The following CFH variants were observed in gnomAD, a reference collection of about 807,000 sequenced individuals.
CFH encodes complement factor H, also known as H factor 1 (complement).
A neutral mutation model predicts 147.3 loss-of-function variants in CFH; 53 were observed. The observed-to-expected ratio is 0.36, with a 90% CI of 0.29 to 0.45. CFH has a LOEUF of 0.45. Among genes scored for constraint, CFH ranks in the 20% least tolerant of loss-of-function variants. The pLI, the probability that CFH is intolerant of heterozygous loss-of-function variation, is 1.00. For synonymous variants in CFH, 536 were observed against 489.4 expected, an observed-to-expected ratio of 1.10 and a Z score of -1.26; for missense variants, 1,380 against 1,498.0, an observed-to-expected ratio of 0.92 and a Z score of 1.30.
At chr1:196,712,836 A>T (rs184749532) in intron 9 of CFH, among the ~76,000 whole-genome samples, 2 of 132,688 alleles carry the variant, frequency 1.5e-5, no homozygotes, top group East Asian at 4.6e-4. Context: ...CTCATTGTTC[A>T]GTTCCCATCT....
intron 17 of CFH, 63 bp from the exon 18 acceptor site, chr1:196,740,556 A>T: frequency 6.7e-7 from 1 of 1,483,622 alleles, no homozygotes; most frequent in South Asian, 1.2e-5. Context: ...CTTAATATTA[A>T]AACAGGCATA....
chr1:196,668,695 A>T (rs1205372786), intron 1 of CFH, among the ~76,000 whole-genome samples: 1 of 152,082 alleles, frequency 6.6e-6, no homozygotes, highest in Non-Finnish European at 1.5e-5. Context: ...TATGAAGAAG[A>T]TCCTCTCTTC....
intron 3 of CFH, among the ~76,000 whole-genome samples, chr1:196,675,258 A>G (rs963308260): frequency 6.6e-6 from 1 of 152,142 alleles, no homozygotes; most frequent in Non-Finnish European, 1.5e-5. Context: ...AGCATTTTTT[A>G]GATTCAAAGG....
chr1:196,730,033 C>T (rs1669245432), intron 15 of CFH, among the ~76,000 whole-genome samples: 2 of 151,554 alleles, frequency 1.3e-5, no homozygotes, highest in Non-Finnish European at 3.0e-5. Flanking sequence ...TAAAAAAAAA[C>T]TATTTTCATT....
intron 9 of CFH, among the ~76,000 whole-genome samples, chr1:196,707,547 A>G (rs191955670): frequency 6.6e-6 from 1 of 152,170 alleles, no homozygotes; most frequent in African/African-American, 2.4e-5. Flanking sequence ...GAAAGAGGCC[A>G]TGCAAAGCAT....
At chr1:196,685,324 A>G (rs1407065079) in intron 7 of CFH, 87 bp downstream of exon 7, 9 of 1,322,818 alleles carry the variant, frequency 6.8e-6, no homozygotes, top group Non-Finnish European at 9.8e-6. Flanking sequence ...AAAACCAAAT[A>G]TTTGTCTTAT....
intron 1 of CFH, among the ~76,000 whole-genome samples, chr1:196,654,409 C>T (rs1330634438): frequency 2.6e-5 from 4 of 151,948 alleles, no homozygotes; most frequent in Admixed American, 6.6e-5. Context: ...ATAACATTTC[C>T]AATTGTGTAG....
rs990484984 is a variant in CFH, at chr1:196,725,288, A to G, written c.1864A>G (p.Ile622Val). ...YHFGLSPDLP[I>V]CKEQVQSCGP... ...CTTTGGATTGTCTCCTGACCTCCCA[A>G]TATGTAAAGGTGAATGCTTATCTTA... The change falls in exon 12 of 22, where the codon ATA (isoleucine) becomes GTA (valine). Residue 622 changes from isoleucine (I) to valine (V), a missense_variant. Physicochemically the swap from Ile to Val is conservative, Grantham distance 29 (BLOSUM62 3). Around this residue, in one of 4 missense-constraint regions of CFH, gnomAD observed 830 missense variants for 821.4 expected, o/e 1.01. Coordinates refer to ENST00000367429, the MANE Select transcript of CFH (RefSeq NM_000186.4). 5.0e-6 allele frequency: 8 copies of G among 1,613,544 alleles called. No individual in the cohort carries two copies. Among genetic ancestry groups the G allele is most frequent in the Admixed American group, 3.3e-5 (2 of 59,974 alleles).
intron 6 of CFH, 116 bp from the exon 7 acceptor site, chr1:196,684,948 C>T: frequency 1.3e-6 from 1 of 783,988 alleles, no homozygotes; most frequent in East Asian, 2.7e-5. Context: ...ATTTTAATGC[C>T]ATTTTGTATT....
chr1:196,715,609 A>C lies in CFH; in HGVS notation c.1536A>C (p.Pro512=), dbSNP rs1160006746. The C allele has an allele frequency of 3.1e-6, 5 of 1,612,038 alleles. No homozygotes were observed. The South Asian group carries it at 5.5e-5, about 18-fold the overall frequency. ...QPTCIKSCDI[P]VFMNARTKND... is the part of the protein sequence containing the mutation. ...ATGCACTAGAATCTTGTGATATCCCAGTATTTATGAATGCCAGAACTAAAA... is the reference window on the plus strand; with the variant it reads ...ATGCACTAGAATCTTGTGATATCCCCGTATTTATGAATGCCAGAACTAAAA... Residue 512 remains proline (P), a synonymous_variant, in exon 11 of 22, where the codon CCA becomes CCC. Transcript: ENST00000367429.
At chr1:196,674,798 A>C (rs1667400157) in intron 3 of CFH, among the ~76,000 whole-genome samples, 1 of 152,134 alleles carries the variant, frequency 6.6e-6, no homozygotes, top group Admixed American at 6.5e-5. Context: ...ATGGGTATTT[A>C]AAAATATATC....
At chr1:196,668,936 A>G (rs552491672) in intron 1 of CFH, among the ~76,000 whole-genome samples, 21 of 152,298 alleles carry the variant, frequency 1.4e-4, no homozygotes, top group Admixed American at 1.2e-3. Flanking sequence ...AGAGGTTGGA[A>G]CAGTTTGGAG....
intron 9 of CFH, among the ~76,000 whole-genome samples, chr1:196,709,636 T>C (rs1668677879): frequency 6.6e-6 from 1 of 152,186 alleles, no homozygotes; most frequent in Admixed American, 6.5e-5. Context: ...AGCTTTCCAT[T>C]TGTCCAACTT....
At chr1:196,682,362 T>G (rs1667686200) in intron 6 of CFH, among the ~76,000 whole-genome samples, 1 of 151,712 alleles carries the variant, frequency 6.6e-6, no homozygotes, top group African/African-American at 2.4e-5. Context: ...AGGTACAGGT[T>G]CGGGCAATGT....
Position 196,713,741 on chromosome 1 carries a change from G to C in CFH, c.1343G>C (p.Cys448Ser). ...PTPRCIRVKT[C>S]SKSSIDIENG... Reference sequence around the variant, plus strand: ...TTATTCTCTTCCCTTTTAGAAACATGTTCCAAATCAAGTATAGATATTGAG... The same window carrying C: ...TTATTCTCTTCCCTTTTAGAAACATCTTCCAAATCAAGTATAGATATTGAG... The change falls in exon 10 of 22, where the codon TGT (cysteine) becomes TCT (serine). Residue 448 changes from cysteine (C) to serine (S), a missense_variant. Transcript: ENST00000367429. 6.3e-7 allele frequency: 1 copy of C among 1,579,464 alleles called. No homozygotes were observed. Among genetic ancestry groups the C allele is most frequent in the Non-Finnish European group, 8.7e-7 (1 of 1,150,366 alleles).
chr1:196,678,332 A>G (rs1667527373), intron 5 of CFH: 2 of 152,160 alleles, frequency 1.3e-5, no homozygotes, highest in African/African-American at 4.8e-5. Context: ...ATCATGACCA[A>G]TCAAAGATTT....
intron 1 of CFH, among the ~76,000 whole-genome samples, chr1:196,657,423 A>C (rs1289790541): frequency 2.0e-5 from 3 of 152,182 alleles, no homozygotes; most frequent in Non-Finnish European, 4.4e-5. Flanking sequence ...ATTTGTTTCA[A>C]CTAAACCTGG....
intron 1 of CFH, among the ~76,000 whole-genome samples, chr1:196,671,671 GTA>G (rs995003451): frequency 7.6e-5 from 11 of 145,194 alleles, no homozygotes; most frequent in Admixed American, 1.4e-4. Flanking sequence ...ATAAATATGT[GTA>G]TATATATATA....
chr1:196,705,540 G>T (rs1471153659), intron 9 of CFH, among the ~76,000 whole-genome samples: 1 of 152,156 alleles, frequency 6.6e-6, no homozygotes, highest in Non-Finnish European at 1.5e-5. Flanking sequence ...AATGGATCTG[G>T]CTACTGAGAC....
Sources: allele counts gnomAD v4.1 joint callset (sites outside exome capture counted in the v4.1 genomes callset), GRCh38; gene constraint gnomAD v4.1.1; regional missense constraint gnomAD v4.1.1; transcripts MANE v1.5; gene names NCBI Gene and HGNC (gene_info 2026-07-23, HGNC 2026-07-21).